Variants in TJP1 observed in about 807,000 individuals in gnomAD.
TJP1 encodes the protein tight junction protein ZO-1.
A neutral mutation model predicts 194.2 loss-of-function variants in TJP1; 43 were observed. The observed-to-expected ratio is 0.22, with a 90% CI of 0.17 to 0.29. The LOEUF is 0.29. Ranked by LOEUF, TJP1 falls within the 10% of genes least tolerant of loss-of-function variation. TJP1 has a pLI of 1.00. For missense variants in TJP1, 1,971 were observed against 2,185.7 expected (o/e 0.90, Z 1.96); for synonymous variants, 801 against 779.0 (o/e 1.03, Z -0.47).
chr15:29,852,744 A>G (rs1226511882), intron 2 of TJP1, among the ~76,000 whole-genome samples: 1 of 152,092 alleles, frequency 6.6e-6, no homozygotes, highest in Non-Finnish European at 1.5e-5. Flanking sequence ...CGTCTCTACT[A>G]AAAATACAAA....
chr15:29,931,671 T>C lies in TJP1; in HGVS notation c.306+24561A>G, dbSNP rs374961953. Reference sequence around the variant, plus strand: ...GAACCGCCTAAGGTGGGAAAGTACTTGCCCTACTGTTAGAGGAAAGGAGTC... The same window carrying C: ...GAACCGCCTAAGGTGGGAAAGTACTCGCCCTACTGTTAGAGGAAAGGAGTC... On this transcript the variant is annotated intron_variant, in intron 2 of 28. Transcript: ENST00000356107. Among the ~76,000 whole-genome samples, 27 of 152,246 alleles carry C rather than the reference T, an allele frequency of 1.8e-4. No individual in the cohort carries two copies. In the East Asian group the frequency reaches 3.1e-3, roughly 17 times the overall value.
intron 26 of TJP1, among the ~76,000 whole-genome samples, chr15:29,704,743 T>C (rs747055621): frequency 4.4e-4 from 67 of 152,236 alleles, no homozygotes; most frequent in Non-Finnish European, 9.1e-4. Context: ...TCAAATGTGC[T>C]TGTTGCGAAT....
At chr15:29,768,533 C>T (rs1414109743) in intron 4 of TJP1, among the ~76,000 whole-genome samples, 1 of 152,128 alleles carries the variant, frequency 6.6e-6, no homozygotes, top group East Asian at 1.9e-4. Context: ...AGTGCGCCAC[C>T]TCTTTGGGAT....
At chr15:29,769,012 A>G (rs1460417003) in intron 4 of TJP1, among the ~76,000 whole-genome samples, 1 of 152,246 alleles carries the variant, frequency 6.6e-6, no homozygotes, top group Non-Finnish European at 1.5e-5. Context: ...TCTGACAGAC[A>G]TGACAAAATA....
chr15:29,705,603 C>T lies in TJP1; in HGVS notation c.4993G>A (p.Glu1665Lys), dbSNP rs200636289. Reference sequence around the variant, plus strand: ...AAATAGATTTCCTGCTCAACTCCTTCGGGAATGGCTCCTTGAGGGATAATT... The same window carrying T: ...AAATAGATTTCCTGCTCAACTCCTTTGGGAATGGCTCCTTGAGGGATAATT... ...SIIIPQGAIPEGVEQEIYFKV... is the reference protein window; with the variant it reads ...SIIIPQGAIPKGVEQEIYFKV... Residue 1665 changes from glutamate (E) to lysine (K), a missense_variant, in exon 26 of 28, where the codon GAA becomes AAA. Around this residue, in one of 5 missense-constraint regions of TJP1, gnomAD observed 1,108 missense variants for 1,128.5 expected, o/e 0.98. Transcript: ENST00000614355. 2.9e-4 allele frequency: 462 copies of T among 1,614,210 alleles called. 7 individuals are homozygous for T. In the East Asian group the frequency reaches 4.7e-3, roughly 17 times the overall value.
chr15:29,966,987 T>C (rs1192371696), intron 1 of TJP1, among the ~76,000 whole-genome samples: 1 of 152,026 alleles, frequency 6.6e-6, no homozygotes, highest in Non-Finnish European at 1.5e-5. Flanking sequence ...CTTCTAAGTG[T>C]TGTCACTTGC....
chr15:29,906,976 A>T (rs1030099507), intron 2 of TJP1, among the ~76,000 whole-genome samples: 2 of 152,204 alleles, frequency 1.3e-5, no homozygotes, highest in Non-Finnish European at 2.9e-5. Flanking sequence ...GTATGATTCT[A>T]ATTTTGTTTT....
intron 1 of TJP1, among the ~76,000 whole-genome samples, chr15:29,816,104 T>A (rs930265021): frequency 6.6e-6 from 1 of 152,026 alleles, no homozygotes; most frequent in African/African-American, 2.4e-5. Context: ...TTGGCTCAAC[T>A]GCAAACTCTG....
chr15:29,734,310 C>T lies in TJP1; in HGVS notation c.1480G>A (p.Glu494Lys), dbSNP rs1222331284. 1 of 1,612,680 alleles carries T rather than the reference C, an allele frequency of 6.2e-7. No individual in the cohort carries two copies. The highest frequency in any genetic ancestry group is 8.5e-7 in the Non-Finnish European group (1 of 1,179,652). ...TTCTGAGCCAATATGGTCACTTCTT[C>T]TCCTTTAGGGAGGTCAAGCAGGAAA... ...VLFLLDLPKGEEVTILAQKKK... is the reference protein window; with the variant it reads ...VLFLLDLPKGKEVTILAQKKK... The change falls in exon 12 of 28, where the codon GAA becomes AAA. Residue 494 changes from glutamate (E) to lysine (K), a missense_variant. Physicochemically the swap from Glu to Lys is moderately conservative, Grantham distance 56 (BLOSUM62 1). Around this residue, in one of 5 missense-constraint regions of TJP1, gnomAD observed 402 missense variants for 484.2 expected, o/e 0.83. Transcript: ENST00000614355.
intron 2 of TJP1, among the ~76,000 whole-genome samples, chr15:29,938,949 G>C (rs975390341): frequency 6.6e-6 from 1 of 152,224 alleles, no homozygotes; most frequent in Admixed American, 6.5e-5. Context: ...TGGGGCATAA[G>C]GGAGAAGGTT....
exon 1 of TJP1, chr15:29,968,788 G>C: frequency 8.3e-7 from 1 of 1,211,098 alleles, no homozygotes; most frequent in Non-Finnish European, 1.1e-6. Context: ...TCGCGGGCAG[G>C]GCCCCGCCGC....
intron 1 of TJP1, among the ~76,000 whole-genome samples, chr15:29,817,480 G>A (rs1031419602): frequency 3.3e-5 from 5 of 152,060 alleles, no homozygotes; most frequent in African/African-American, 1.2e-4. Context: ...TCCCATTACT[G>A]GGTATATACT....
intron 2 of TJP1, 145 bp from the exon 3 acceptor site, chr15:29,773,502 AT>A: frequency 1.4e-6 from 1 of 735,374 alleles, no homozygotes; most frequent in South Asian, 2.0e-5. Flanking sequence ...ATGGTTACCT[AT>A]TAGAATTATC....
intron 2 of TJP1, among the ~76,000 whole-genome samples, chr15:29,785,247 T>C (rs997060489): frequency 6.6e-6 from 1 of 152,238 alleles, no homozygotes; most frequent in Non-Finnish European, 1.5e-5. Flanking sequence ...TCTGTGTTTA[T>C]ATGTCTACGC....
chr15:29,956,877 G>A (rs545599705), intron 1 of TJP1, among the ~76,000 whole-genome samples: 1 of 145,274 alleles, frequency 6.9e-6, no homozygotes, highest in East Asian at 2.2e-4. Flanking sequence ...GTAAGACCCT[G>A]TCTCATTTAT....
chr15:29,878,067 T>TTTG (rs1385645069), intron 2 of TJP1, among the ~76,000 whole-genome samples: 3 of 143,528 alleles, frequency 2.1e-5, no homozygotes, highest in African/African-American at 7.8e-5. Context: ...TTGTTTGTTT[T>TTTG]TTGAGACGGA....
At chr15:29,821,885 CGCCGCCCCGGGGCCCAGACA>C in intron 1 of TJP1, 97 bp downstream of exon 1, 1 of 992,624 alleles carries the variant, frequency 1.0e-6, no homozygotes, top group Non-Finnish European at 1.2e-6. Context: ...CTGCCCACCC[CGCCGCCCCGGGGCCCAGACA>C]GCCGCCAGCG....
chr15:29,820,809 G>C (rs2050278444), intron 1 of TJP1: 1 of 510,932 alleles, frequency 2.0e-6, no homozygotes. Flanking sequence ...AGGTCAAAAG[G>C]TGCAAGTTAA....
intron 2 of TJP1, among the ~76,000 whole-genome samples, chr15:29,904,948 C>T (rs1234783208): frequency 2.6e-5 from 4 of 152,170 alleles, no homozygotes; most frequent in Non-Finnish European, 5.9e-5. Context: ...GAACTGCAGC[C>T]GCCAGAAACT....
Sources: gnomAD v4.1 joint callset for allele counts (sites outside exome capture counted in the v4.1 genomes callset) on GRCh38, gnomAD v4.1.1 for gene constraint, gnomAD v4.1.1 regional missense constraint, MANE v1.5 for transcripts, NCBI Gene and HGNC (gene_info 2026-07-23, HGNC 2026-07-21) for gene names.